The following MS4A5 variants were observed in gnomAD, a reference collection of about 807,000 sequenced individuals.
MS4A5 encodes membrane-spanning 4-domains subfamily A member 5.
A neutral mutation model predicts 18.2 loss-of-function variants in MS4A5; 15 were observed. The ratio of observed to expected loss-of-function variants is 0.83; its 90% CI spans 0.55 to 1.27. MS4A5 has a LOEUF of 1.27. MS4A5 is among the 50% of genes most tolerant of loss of function. MS4A5 has a pLI of 0.00. For synonymous variants in MS4A5, 89 were observed against 78.7 expected (o/e 1.13, Z -0.69); for missense variants, 232 against 225.7 (o/e 1.03, Z -0.18).
chr11:60,438,947 C>A (rs1371190280), intron 4 of MS4A5, among the ~76,000 whole-genome samples: 2 of 86,488 alleles, frequency 2.3e-5, no homozygotes, highest in African/African-American at 4.8e-5. Context: ...ATTCTGATAC[C>A]AAAGCCGGGC....
chr11:60,438,077 C>G (rs1317903899), intron 4 of MS4A5, among the ~76,000 whole-genome samples: 1 of 152,062 alleles, frequency 6.6e-6, no homozygotes, highest in Non-Finnish European at 1.5e-5. Flanking sequence ...AACTATCTCT[C>G]AGACCACAGT....
chr11:60,437,533 A>C (rs535612612), intron 4 of MS4A5, among the ~76,000 whole-genome samples: 1 of 152,332 alleles, frequency 6.6e-6, no homozygotes, highest in Admixed American at 6.5e-5. Flanking sequence ...AATGCATCTC[A>C]TGTGCAGAGA....
intron 4 of MS4A5, among the ~76,000 whole-genome samples, chr11:60,440,015 A>C (rs1484400900): frequency 1.4e-5 from 2 of 146,268 alleles, no homozygotes; most frequent in African/African-American, 5.0e-5. Context: ...ACACTACCTG[A>C]CTTCAAACTA....
In MS4A5 at chr11:60,431,053, A is replaced by AAATT. The variant is rs1368352512; in HGVS notation, c.282+131_282+134dup. ...AAAGTGCAAAAAACTAACCTTGTTG[A>AAATT]AATTATTTCCCCATTAGTTCATCAC... is the stretch of plus-strand genomic sequence containing the variant. On this transcript the variant is annotated intron_variant, in intron 2 of 4. Coordinates refer to ENST00000300190, the MANE Select transcript of MS4A5 (RefSeq NM_023945.3). 16 of 958,828 alleles carry AAATT rather than the reference A, an allele frequency of 1.7e-5. No individual in the cohort carries two copies. In the African/African-American group the frequency reaches 2.5e-4, roughly 15 times the overall value. The allele number at this position is 958,828 out of a possible 1,614,324, so 59.4% of individuals were successfully genotyped here.
At chr11:60,437,945 T>A (rs1323246789) in intron 4 of MS4A5, among the ~76,000 whole-genome samples, 1 of 152,006 alleles carries the variant, frequency 6.6e-6, no homozygotes, top group African/African-American at 2.4e-5. Context: ...TACAGAACTC[T>A]CCACGCCAAA....
chr11:60,433,018 A>G (rs1026801276), intron 3 of MS4A5, among the ~76,000 whole-genome samples: 1 of 152,158 alleles, frequency 6.6e-6, no homozygotes, highest in African/African-American at 2.4e-5. Flanking sequence ...CTCTTATTTT[A>G]TGTATGAAGA....
intron 4 of MS4A5, among the ~76,000 whole-genome samples, chr11:60,446,548 C>T (rs553937609): frequency 6.6e-6 from 1 of 152,244 alleles, no homozygotes; most frequent in South Asian, 2.1e-4. Flanking sequence ...GCGCTGCCAA[C>T]ATGGCGAAAC....
chr11:60,433,347 G>A (rs1211755981), intron 3 of MS4A5, among the ~76,000 whole-genome samples: 2 of 152,184 alleles, frequency 1.3e-5, no homozygotes, highest in Non-Finnish European at 2.9e-5. Flanking sequence ...AAAGATTTTA[G>A]CAAAGGACTG....
chr11:60,432,356 G>T, intron 2 of MS4A5, 55 bp from the exon 3 acceptor site: 1 of 1,201,780 alleles, frequency 8.3e-7, no homozygotes, highest in South Asian at 1.3e-5. Context: ...TATTCTGTAA[G>T]AACTCAACAT....
chr11:60,447,124 C>CCTATGCTATGCTATG (rs571065253), intron 4 of MS4A5, among the ~76,000 whole-genome samples: 2 of 145,370 alleles, frequency 1.4e-5, no homozygotes, highest in Non-Finnish European at 3.0e-5. Context: ...CCTATGCTAT[C>CCTATGCTATGCTATG]CTATGCTATG....
At chr11:60,438,321 G>A (rs1590833126) in intron 4 of MS4A5, among the ~76,000 whole-genome samples, 2 of 152,094 alleles carry the variant, frequency 1.3e-5, no homozygotes, top group Non-Finnish European at 2.9e-5. Flanking sequence ...AGAGAAAGCA[G>A]GAAAGATCCA....
intron 4 of MS4A5, among the ~76,000 whole-genome samples, chr11:60,447,000 T>C (rs185617623): frequency 1.0e-3 from 153 of 150,604 alleles, no homozygotes; most frequent in Non-Finnish European, 1.1e-3. Context: ...TGTATTTTTA[T>C]ATGCCTTTCT....
intron 1 of MS4A5, 67 bp from the exon 2 acceptor site, chr11:60,430,728 GA>G: frequency 1.3e-6 from 2 of 1,565,262 alleles, no homozygotes; most frequent in Non-Finnish European, 1.7e-6. Context: ...ACCAAAAGAA[GA>G]TATTCTAAAC....
intron 4 of MS4A5, among the ~76,000 whole-genome samples, chr11:60,436,117 C>A (rs2086078959): frequency 6.6e-6 from 1 of 152,016 alleles, no homozygotes; most frequent in Non-Finnish European, 1.5e-5. Context: ...GTCCCTGACC[C>A]CTGACCCCCG....
At chr11:60,430,552 G>C (rs2086043286) in intron 1 of MS4A5, among the ~76,000 whole-genome samples, 1 of 152,172 alleles carries the variant, frequency 6.6e-6, no homozygotes, top group Non-Finnish European at 1.5e-5. Flanking sequence ...AAGTGATCCT[G>C]ATGTTGCCAA....
chr11:60,429,958 T>C (rs2086039536), intron 1 of MS4A5, 131 bp downstream of exon 1: 1 of 859,028 alleles, frequency 1.2e-6, no homozygotes, highest in Non-Finnish European at 1.7e-6. Flanking sequence ...TATAGAGTGT[T>C]GGTGGGCCAT....
At chr11:60,437,839 C>A (rs1385511094) in intron 4 of MS4A5, among the ~76,000 whole-genome samples, 2 of 149,956 alleles carry the variant, frequency 1.3e-5, no homozygotes, top group African/African-American at 4.9e-5. Flanking sequence ...CTTTAACACC[C>A]CACTGTCAAC....
At chr11:60,447,360 CTATGCTATG>C in intron 4 of MS4A5, among the ~76,000 whole-genome samples, 1 of 151,824 alleles carries the variant, frequency 6.6e-6, no homozygotes, top group Non-Finnish European at 1.5e-5. Context: ...CTATGCTATG[CTATGCTATG>C]CAATGCAGTG....
intron 1 of MS4A5, among the ~76,000 whole-genome samples, chr11:60,430,494 G>A (rs539008355): frequency 2.5e-4 from 38 of 152,286 alleles, no homozygotes; most frequent in South Asian, 8.3e-4. Context: ...CCTGGAGACC[G>A]TTCAGTAAGT....
Sources: gnomAD v4.1 joint callset for allele counts (sites outside exome capture counted in the v4.1 genomes callset) on GRCh38, gnomAD v4.1.1 for gene constraint, MANE v1.5 for transcripts, NCBI Gene and HGNC (gene_info 2026-07-23, HGNC 2026-07-21) for gene names.